ADARB2: variants seen among roughly 807,000 people sequenced by gnomAD.
The protein encoded by ADARB2 is adenosine deaminase RNA specific B2 (inactive).
ADARB2 carries 25 observed loss-of-function variants against 62.2 expected under a neutral mutation model. The ratio of observed to expected loss-of-function variants is 0.40; its 90% CI spans 0.29 to 0.56. The LOEUF is 0.56. Ranked by LOEUF, ADARB2 falls within the 20% of genes least tolerant of loss-of-function variation. The pLI is 0.43. For synonymous variants in ADARB2, 572 were observed against 500.8 expected (o/e 1.14, Z -1.90); for missense variants, 1,071 against 1,077.4 (o/e 0.99, Z 0.08).
At chr10:1,615,299 G>A (rs1230760758) in intron 1 of ADARB2, among the ~76,000 whole-genome samples, 1 of 152,136 alleles carries the variant, frequency 6.6e-6, no homozygotes, top group East Asian at 1.9e-4. Context: ...GCCATGCTGT[G>A]CTCACAGCAG....
chr10:1,500,295 C>T (rs1831750739), intron 1 of ADARB2, among the ~76,000 whole-genome samples: 2 of 152,172 alleles, frequency 1.3e-5, no homozygotes, highest in Admixed American at 6.5e-5. Flanking sequence ...CAGTTTTCTC[C>T]CTGAACTCTA....
At chr10:1,472,437 T>G (rs1371912367) in intron 1 of ADARB2, among the ~76,000 whole-genome samples, 1 of 151,136 alleles carries the variant, frequency 6.6e-6, no homozygotes, top group Non-Finnish European at 1.5e-5. Context: ...GCGAGTGCCA[T>G]GCGGCTCGGG....
chr10:1,205,772 G>A (rs759887415), intron 7 of ADARB2, among the ~76,000 whole-genome samples: 3 of 152,276 alleles, frequency 2.0e-5, no homozygotes, highest in Non-Finnish European at 4.4e-5. Flanking sequence ...GTGGGCCAGC[G>A]TGTTCTGCGT....
intron 7 of ADARB2, among the ~76,000 whole-genome samples, chr10:1,206,586 T>C (rs35341304): frequency 0.27 from 40,630 of 152,122 alleles, 5,895 homozygotes; most frequent in African/African-American, 0.35. Flanking sequence ...GTGGGCCTCT[T>C]GGTTCTGGGG....
intron 1 of ADARB2, among the ~76,000 whole-genome samples, chr10:1,643,155 T>G (rs187786785): frequency 6.6e-6 from 1 of 152,344 alleles, no homozygotes; most frequent in Admixed American, 6.5e-5. Context: ...TCATCTCTAA[T>G]GGACTCTACT....
intron 7 of ADARB2, among the ~76,000 whole-genome samples, chr10:1,212,232 G>A (rs937301647): frequency 6.6e-6 from 1 of 152,216 alleles, no homozygotes; most frequent in African/African-American, 2.4e-5. Context: ...GTGCAGGATA[G>A]AAAACAGATG....
intron 1 of ADARB2, among the ~76,000 whole-genome samples, chr10:1,623,997 C>T (rs2132028397): frequency 6.6e-6 from 1 of 152,276 alleles, no homozygotes; most frequent in Non-Finnish European, 1.5e-5. Context: ...ATTTGGGAGG[C>T]TGAGGCGGAT....
chr10:1,646,561 T>C (rs1263382903), intron 1 of ADARB2, among the ~76,000 whole-genome samples: 1 of 152,234 alleles, frequency 6.6e-6, no homozygotes, highest in Non-Finnish European at 1.5e-5. Flanking sequence ...CTGCTGCCAA[T>C]GCAGTCACAG....
chr10:1,217,485 A>G (rs1830642955), intron 6 of ADARB2, among the ~76,000 whole-genome samples: 1 of 152,228 alleles, frequency 6.6e-6, no homozygotes, highest in Non-Finnish European at 1.5e-5. Context: ...TGCAGACTTG[A>G]ACACGCAGTT....
chr10:1,730,131 G>A (rs1835213381), intron 1 of ADARB2, among the ~76,000 whole-genome samples: 2 of 152,120 alleles, frequency 1.3e-5, no homozygotes, highest in African/African-American at 4.8e-5. Flanking sequence ...AATAGATTCT[G>A]AGCAATGTTC....
rs969213689 is a variant in ADARB2 at position 1,398,722 on chromosome 10, C to G, written c.101-19562G>C. Among the ~76,000 whole-genome samples the G allele has an allele frequency of 6.6e-6, 1 of 152,200 alleles. No homozygotes were observed. Among genetic ancestry groups the G allele is most frequent in the Admixed American group, 6.5e-5 (1 of 15,280 alleles). ...TCAGCATAGATGGAGAAGAGACTTT[C>G]GTGCCTCTGACCCTCAAATTACCCA... On this transcript the variant is annotated intron_variant, in intron 1 of 9. Coordinates refer to ENST00000381312, the MANE Select transcript of ADARB2 (RefSeq NM_018702.4). This position sits in a 1 kb window ranked among gnomAD's most constrained non-coding sequence, Gnocchi z 4.1.
chr10:1,691,765 C>T (rs1834675914), intron 1 of ADARB2, among the ~76,000 whole-genome samples: 2 of 152,216 alleles, frequency 1.3e-5, no homozygotes, highest in African/African-American at 4.8e-5. Context: ...ACATCCCACT[C>T]AGAGCCATAA....
intron 3 of ADARB2, among the ~76,000 whole-genome samples, chr10:1,339,663 C>A (rs886268849): frequency 6.6e-6 from 1 of 152,178 alleles, no homozygotes; most frequent in Non-Finnish European, 1.5e-5. Flanking sequence ...CTTTTCTGGC[C>A]ATGAAAAGCT....
At position 1,560,613 on chromosome 10, in the gene ADARB2, A is replaced by G. The variant is rs1832773863; in HGVS notation, c.100+176438T>C. Among the ~76,000 whole-genome samples the G allele has an allele frequency of 1.3e-5, 2 of 151,278 alleles. 1 individual carries two copies. Among genetic ancestry groups the G allele is most frequent in the African/African-American group, 4.9e-5 (2 of 41,132 alleles). ...GGTTGGATTGGAGAGTTCTCCAGCA[A>G]AGCTGGAGAGTCTGGCAGTCCTGGA... On this transcript the variant is annotated intron_variant, in intron 1 of 9. Coordinates refer to ENST00000381312, the MANE Select transcript of ADARB2 (RefSeq NM_018702.4).
chr10:1,216,836 G>A (rs977023203), intron 7 of ADARB2, 115 bp downstream of exon 7: 4 of 1,350,576 alleles, frequency 3.0e-6, no homozygotes, highest in South Asian at 1.4e-5. Flanking sequence ...ACAGGGCCCT[G>A]ACCGCATGTG....
intron 1 of ADARB2, among the ~76,000 whole-genome samples, chr10:1,619,028 T>A (rs894791839): frequency 1.4e-4 from 22 of 152,194 alleles, no homozygotes; most frequent in African/African-American, 5.3e-4. Flanking sequence ...GAGGAATGAA[T>A]GGTGTAAAAT....
At chr10:1,685,555 T>A (rs1834587878) in intron 1 of ADARB2, among the ~76,000 whole-genome samples, 1 of 152,216 alleles carries the variant, frequency 6.6e-6, no homozygotes, top group African/African-American at 2.4e-5. Flanking sequence ...CAAAATTCTA[T>A]AAATTCTCAT....
chr10:1,498,436 G>T (rs1288225415), intron 1 of ADARB2, among the ~76,000 whole-genome samples: 1 of 151,644 alleles, frequency 6.6e-6, no homozygotes, highest in African/African-American at 2.4e-5. Context: ...CAAAGGAAAA[G>T]AAAAGAAAAC....
At chr10:1,646,879 A>G (rs1467182452) in intron 1 of ADARB2, among the ~76,000 whole-genome samples, 13 of 152,262 alleles carry the variant, frequency 8.5e-5, no homozygotes, top group African/African-American at 3.1e-4. Context: ...CCCTTGGTGC[A>G]GTCTTGCCAG....
Sources: gnomAD v4.1 joint callset for allele counts (sites outside exome capture counted in the v4.1 genomes callset) on GRCh38, gnomAD v4.1.1 for gene constraint, Gnocchi (gnomAD v3.1) non-coding constraint, MANE v1.5 for transcripts, NCBI Gene and HGNC (gene_info 2026-07-23, HGNC 2026-07-21) for gene names.